Variants in SPEF2 observed in about 807,000 individuals in gnomAD.
SPEF2 encodes the protein sperm flagella and cilia-associated protein 2.
In SPEF2, 187 loss-of-function variants were observed where a neutral mutation model predicts 224.6. That is an observed-to-expected ratio of 0.83 (90% CI 0.74 to 0.94). The LOEUF is 0.94. Among genes scored for constraint, SPEF2 ranks in the 40% least tolerant of loss-of-function variants. The probability of loss-of-function intolerance (pLI) is 0.00; values close to 1 mark genes in which losing one functional copy is unlikely to be tolerated. For synonymous variants in SPEF2, 715 were observed against 707.3 expected (o/e 1.01, Z -0.17); for missense variants, 2,170 against 2,135.6 (o/e 1.02, Z -0.32).
At chr5:35,814,411 A>C (rs1247846005) in intron 36 of SPEF2, 53 bp from the exon 37 acceptor site, 3 of 1,047,286 alleles carry the variant, frequency 2.9e-6, no homozygotes, top group Non-Finnish European at 4.3e-6. Flanking sequence ...ATAGTATAGT[A>C]TTGATCATCC....
chr5:35,677,495 TAG>T (rs889861207), intron 10 of SPEF2, among the ~76,000 whole-genome samples: 3 of 152,150 alleles, frequency 2.0e-5, no homozygotes, highest in Non-Finnish European at 4.4e-5. Context: ...GCAGTGACCT[TAG>T]AGTCTTATTT....
intron 20 of SPEF2, among the ~76,000 whole-genome samples, chr5:35,722,105 A>C (rs79036640): frequency 2.0e-5 from 3 of 151,816 alleles, no homozygotes; most frequent in Admixed American, 1.3e-4. Flanking sequence ...AAAAAAAAAA[A>C]CAGTTTAAAA....
At chr5:35,677,264 T>G (rs1412029230) in intron 10 of SPEF2, among the ~76,000 whole-genome samples, 1 of 152,170 alleles carries the variant, frequency 6.6e-6, no homozygotes, top group Non-Finnish European at 1.5e-5. Flanking sequence ...CTGGAAACAT[T>G]CCTTTAAATA....
intron 1 of SPEF2, among the ~76,000 whole-genome samples, chr5:35,618,871 C>CTTT (rs373293181): frequency 1.8e-4 from 27 of 149,378 alleles, no homozygotes; most frequent in South Asian, 2.2e-4. Context: ...TTTTGTTTGT[C>CTTT]TTTTTTTCTT....
At chr5:35,700,883 A>T in intron 16 of SPEF2, 131 bp downstream of exon 16, 1 of 1,014,450 alleles carries the variant, frequency 9.9e-7, no homozygotes, top group Non-Finnish European at 1.4e-6. Context: ...ATAATTATCT[A>T]GTTGAGCACA....
chr5:35,752,873 T>C (rs930473213), intron 23 of SPEF2, among the ~76,000 whole-genome samples: 1 of 151,370 alleles, frequency 6.6e-6, no homozygotes, highest in African/African-American at 2.4e-5. Flanking sequence ...TTCCGACACA[T>C]AGATACACAC....
At chr5:35,644,161 A>G (rs978213596) in intron 3 of SPEF2, among the ~76,000 whole-genome samples, 194 bp from the exon 4 acceptor site, 2 of 152,200 alleles carry the variant, frequency 1.3e-5, no homozygotes, top group African/African-American at 4.8e-5. Context: ...AAGAACCACA[A>G]AGGATAATGT....
At chr5:35,619,533 C>T (rs368172312) in intron 1 of SPEF2, among the ~76,000 whole-genome samples, 8 of 151,914 alleles carry the variant, frequency 5.3e-5, no homozygotes, top group Non-Finnish European at 8.8e-5. Context: ...ATACATTAGC[C>T]GGACGTCGTG....
Position 35,741,936 on chromosome 5 carries a change from T to C in SPEF2, c.3330+1669T>C, listed in dbSNP as rs563985783. ...TGAGAGGATTTGGAAATTTAAAATATCTTATTTGGGATTTCCTTTTTCCTA... is the reference window on the plus strand; with the variant it reads ...TGAGAGGATTTGGAAATTTAAAATACCTTATTTGGGATTTCCTTTTTCCTA... On this transcript the variant is annotated intron_variant, in intron 23 of 36. Coordinates refer to ENST00000356031, the MANE Select transcript of SPEF2 (RefSeq NM_024867.4). 2.6e-5 allele frequency among the ~76,000 whole-genome samples: 4 copies of C among 152,346 alleles called. No homozygotes were observed. In the South Asian group the frequency reaches 6.2e-4, roughly 24 times the overall value.
intron 6 of SPEF2, among the ~76,000 whole-genome samples, chr5:35,653,878 C>T (rs1748552980): frequency 1.4e-5 from 2 of 141,474 alleles, no homozygotes; most frequent in East Asian, 4.2e-4. Flanking sequence ...ACCCAGCAGG[C>T]GGAGGTTGCA....
intron 18 of SPEF2, among the ~76,000 whole-genome samples, chr5:35,708,522 C>A (rs1052102701): frequency 6.6e-6 from 1 of 151,800 alleles, no homozygotes; most frequent in South Asian, 2.1e-4. Context: ...TTCCTCATCA[C>A]CCCCATGCCA....
chr5:35,742,016 T>C (rs1747726310), intron 23 of SPEF2, among the ~76,000 whole-genome samples: 1 of 152,206 alleles, frequency 6.6e-6, no homozygotes, highest in Admixed American at 6.5e-5. Context: ...AGAAGCAAAA[T>C]TTAAAATGAC....
Position 35,644,671 on chromosome 5 carries a change from T to C in SPEF2, c.585+146T>C, listed in dbSNP as rs533609096. On this transcript the variant is annotated intron_variant, in intron 4 of 36. Coordinates refer to ENST00000356031, the MANE Select transcript of SPEF2 (RefSeq NM_024867.4). ...ACTTTGTCCTGCCCTACTCTCACCC[T>C]TTCTCTCTCTCCCCTGCTCCTTTTC... 4.3e-5 allele frequency: 22 copies of C among 508,518 alleles called. No individual in the cohort carries two copies. The African/African-American group carries it at 4.4e-4, about 10-fold the overall frequency. 31.5% of individuals were successfully genotyped at this position (508,518 alleles called of 1,614,324 possible).
chr5:35,627,682 C>G (rs908878107), intron 1 of SPEF2, among the ~76,000 whole-genome samples: 5 of 152,184 alleles, frequency 3.3e-5, no homozygotes, highest in Non-Finnish European at 7.3e-5. Context: ...CAGCAATTCT[C>G]AAACACTGCT....
intron 19 of SPEF2, 138 bp downstream of exon 19, chr5:35,709,259 A>G (rs1166328854): frequency 6.8e-7 from 1 of 1,475,034 alleles, no homozygotes; most frequent in African/African-American, 1.4e-5. Flanking sequence ...CTCAGATGGA[A>G]GTGGAAAAGC....
intron 13 of SPEF2, among the ~76,000 whole-genome samples, chr5:35,694,664 A>T (rs1189955269): frequency 1.6e-5 from 2 of 121,350 alleles, no homozygotes; most frequent in African/African-American, 3.5e-5. Flanking sequence ...GCAAGGAGAC[A>T]GACAGTCTTT....
chr5:35,693,862 A>G (rs763519957), intron 12 of SPEF2, among the ~76,000 whole-genome samples: 22 of 152,190 alleles, frequency 1.4e-4, no homozygotes, highest in Non-Finnish European at 3.1e-4. Context: ...TCATGTTGTA[A>G]TATCTTTATA....
chr5:35,780,305 G>T (rs1240683230), intron 30 of SPEF2, among the ~76,000 whole-genome samples: 1 of 152,106 alleles, frequency 6.6e-6, no homozygotes, highest in Non-Finnish European at 1.5e-5. Context: ...TATATCATTA[G>T]TAAAAAGAGC....
chr5:35,810,548 C>G (rs1214008680), intron 36 of SPEF2, among the ~76,000 whole-genome samples: 1 of 152,202 alleles, frequency 6.6e-6, no homozygotes, highest in African/African-American at 2.4e-5. Flanking sequence ...GCAATGTTAA[C>G]TGAAGTACTA....
Sources: gnomAD v4.1 joint callset for allele counts (sites outside exome capture counted in the v4.1 genomes callset) on GRCh38, gnomAD v4.1.1 for gene constraint, MANE v1.5 for transcripts, NCBI Gene and HGNC (gene_info 2026-07-23, HGNC 2026-07-21) for gene names.